The following SLC35B3 variants were observed in gnomAD, a reference collection of about 807,000 sequenced individuals.
The protein encoded by SLC35B3 is adenosine 3'-phospho 5'-phosphosulfate transporter 2.
In SLC35B3, 35 loss-of-function variants were observed where a neutral mutation model predicts 44.1. That is an observed-to-expected ratio of 0.79 (90% CI 0.61 to 1.05). The LOEUF (loss-of-function observed/expected upper bound fraction) is 1.05. Among genes scored for constraint, SLC35B3 ranks in the 50% least tolerant of loss-of-function variants. The pLI, the probability that SLC35B3 is intolerant of heterozygous loss-of-function variation, is 0.00. For synonymous variants in SLC35B3, 146 were observed against 167.3 expected, an observed-to-expected ratio of 0.87 and a Z score of 0.98; for missense variants, 414 against 476.4, an observed-to-expected ratio of 0.87 and a Z score of 1.22.
chr6:8,425,874 A>C (rs1449418567), intron 4 of SLC35B3, among the ~76,000 whole-genome samples: 1 of 152,078 alleles, frequency 6.6e-6, no homozygotes, highest in East Asian at 1.9e-4. Flanking sequence ...ATTCCTAACC[A>C]CTTTCTGTTT....
chr6:8,417,034 C>T lies in SLC35B3; in HGVS notation c.874-39G>A, dbSNP rs538909554. 26 of 1,114,322 alleles carry T rather than the reference C, an allele frequency of 2.3e-5. No homozygotes were observed. The African/African-American group carries it at 4.2e-4, about 18-fold the overall frequency. The allele number at this position is 1,114,322 out of a possible 1,614,324, so 69.0% of individuals were successfully genotyped here. On this transcript the variant is annotated intron_variant, in intron 8 of 10. Transcript: ENST00000644923. The stretch of plus-strand genomic sequence containing the variant: ...AAAAGCCTGTTAGAAAAATGTAAAA[C>T]AAACTCCGAGGTATTACAAATAAAA...
chr6:8,420,563 T>TA lies in SLC35B3; in HGVS notation c.682+157dup, dbSNP rs1332904554. Among the ~76,000 whole-genome samples, 5 of 152,374 alleles carry TA rather than the reference T, an allele frequency of 3.3e-5. No homozygotes were observed. The highest frequency in any genetic ancestry group is 1.2e-4 in the African/African-American group (5 of 41,596). Reference sequence around the variant, plus strand: ...AATTGTTTTATCTACAGAGCTGTGATATTTTCACTACATCTTATATGGAAA... The same window carrying TA: ...AATTGTTTTATCTACAGAGCTGTGATAATTTTCACTACATCTTATATGGAAA... On this transcript the variant is annotated intron_variant, in intron 6 of 10. Transcript: ENST00000644923. This position sits in a 1 kb window ranked among gnomAD's most constrained non-coding sequence, Gnocchi z 4.4.
At chr6:8,426,134 T>C (rs377267693) in intron 4 of SLC35B3, among the ~76,000 whole-genome samples, 2 of 149,324 alleles carry the variant, frequency 1.3e-5, no homozygotes, top group African/African-American at 2.6e-5. Context: ...AAAAGCAGAA[T>C]AACAATAGAT....
In SLC35B3 at chr6:8,419,696, AAAAC is replaced by A. The variant is rs758664032; in HGVS notation, c.683-23_683-20del. 109 of 1,350,650 alleles carry A rather than the reference AAAAC, an allele frequency of 8.1e-5. 2 individuals carry two copies. In the South Asian group the frequency reaches 1.5e-3, roughly 19 times the overall value. The allele number at this position is 1,350,650 out of a possible 1,614,324, so 83.7% of individuals were successfully genotyped here. Reference sequence around the variant, plus strand: ...ACCACACCTTCAAGAAGGTATTAAAAAAACAAACAAAAAAACCCTCCTTATTTAA... The same window carrying A: ...ACCACACCTTCAAGAAGGTATTAAAAAAACAAAAAAACCCTCCTTATTTAA... On this transcript the variant is annotated intron_variant, in intron 6 of 10. Coordinates refer to ENST00000644923, the MANE Select transcript of SLC35B3 (RefSeq NM_001370476.2). This position sits in a 1 kb window ranked among gnomAD's most constrained non-coding sequence, Gnocchi z 4.3.
chr6:8,420,583 T>G lies in SLC35B3; in HGVS notation c.682+138A>C, dbSNP rs1173458210. The G allele has an allele frequency of 3.4e-6, 2 of 581,922 alleles. No homozygotes were observed. Among genetic ancestry groups the G allele is most frequent in the Middle Eastern group, 4.3e-4 (1 of 2,340 alleles). 36.0% of individuals were successfully genotyped at this position (581,922 alleles called of 1,614,324 possible). A position where few individuals can be genotyped will look rare whatever the true frequency, so the allele number is the denominator to read the frequency against. ...TGTGATATTTTCACTACATCTTATATGGAAAGTCCAAAAGCTTTATGTTAG... is the reference window on the plus strand; with the variant it reads ...TGTGATATTTTCACTACATCTTATAGGGAAAGTCCAAAAGCTTTATGTTAG... On this transcript the variant is annotated intron_variant, in intron 6 of 10. Coordinates refer to ENST00000644923, the MANE Select transcript of SLC35B3 (RefSeq NM_001370476.2). The surrounding 1 kb of genome is among the most constrained non-coding windows in gnomAD (Gnocchi z 4.4).
In SLC35B3 at chr6:8,430,001, T is replaced by A; in HGVS notation, c.160A>T (p.Thr54Ser). Residue 54 changes from threonine to serine, a missense_variant, in exon 3 of 11, where the codon ACA becomes TCA. By Grantham distance (58) the Thr-to-Ser change is moderately conservative. Coordinates refer to ENST00000644923, the MANE Select transcript of SLC35B3 (RefSeq NM_001370476.2). ...ACTGACTTGATGTGTGGTGACATTG[T>A]TTGGGTTTTGGATGGCACAGTGATA... The A allele has an allele frequency of 6.2e-7, 1 of 1,613,978 alleles. No individual in the cohort carries two copies. Among genetic ancestry groups the A allele is most frequent in the South Asian group, 1.1e-5 (1 of 91,056 alleles).
At chr6:8,416,497 G>A (rs1403564347) in intron 9 of SLC35B3, among the ~76,000 whole-genome samples, 9 of 152,126 alleles carry the variant, frequency 5.9e-5, no homozygotes. Flanking sequence ...GGCCTAAAAA[G>A]CTTATTTAAA....
At chr6:8,422,372 A>G (rs1762974675) in intron 5 of SLC35B3, 98 bp downstream of exon 4, 1 of 938,136 alleles carries the variant, frequency 1.1e-6, no homozygotes, top group African/African-American at 1.7e-5. Context: ...TAGAATGCTC[A>G]TTGAAAATGT....
In SLC35B3 at chr6:8,432,297, A is replaced by G. The variant is rs1461677603; in HGVS notation, c.3+2088T>C. 1.3e-5 allele frequency among the ~76,000 whole-genome samples: 2 copies of G among 151,758 alleles called. No individual in the cohort carries two copies. The highest frequency in any genetic ancestry group is 2.9e-5 in the Non-Finnish European group (2 of 68,006). ...AATCTTATAGAAAAAGAGTGGGGAA[A>G]ATTTACAAATAATGCTTACATATTT... On this transcript the variant is annotated intron_variant, in intron 2 of 10. Coordinates refer to ENST00000644923, the MANE Select transcript of SLC35B3 (RefSeq NM_001370476.2). The surrounding 1 kb of genome is among the most constrained non-coding windows in gnomAD (Gnocchi z 4.8).
At position 8,433,316 on chromosome 6, in the gene SLC35B3, C is replaced by A. The variant is rs1764169612; in HGVS notation, c.3+1069G>T. 1.3e-5 allele frequency among the ~76,000 whole-genome samples: 2 copies of A among 152,150 alleles called. No individual in the cohort carries two copies. The highest frequency in any genetic ancestry group is 4.1e-4 in the South Asian group (2 of 4,830). On this transcript the variant is annotated intron_variant, in intron 2 of 10. Coordinates refer to ENST00000644923, the MANE Select transcript of SLC35B3 (RefSeq NM_001370476.2). This position sits in a 1 kb window ranked among gnomAD's most constrained non-coding sequence, Gnocchi z 4.1. ...AACGAGTTGATGTCCTGGACTCAATCATATTATACATATTTTTCAAATTCC... is the reference window on the plus strand; with the variant it reads ...AACGAGTTGATGTCCTGGACTCAATAATATTATACATATTTTTCAAATTCC...
chr6:8,431,610 C>G (rs1242931786), intron 2 of SLC35B3, among the ~76,000 whole-genome samples: 1 of 152,172 alleles, frequency 6.6e-6, no homozygotes, highest in Non-Finnish European at 1.5e-5. Flanking sequence ...TCTTCACTTT[C>G]CTTTGTTCTT....
intron 9 of SLC35B3, among the ~76,000 whole-genome samples, chr6:8,415,530 T>C (rs969657378): frequency 2.6e-5 from 4 of 152,192 alleles, no homozygotes; most frequent in African/African-American, 4.8e-5. Context: ...GAGATCTGCA[T>C]AGATCTCCAT....
Position 8,413,496 on chromosome 6 carries a change from A to C in SLC35B3, c.*53T>G, listed in dbSNP as rs1270261171. 1 of 1,487,232 alleles carries C rather than the reference A, an allele frequency of 6.7e-7. No individual in the cohort carries two copies. Among genetic ancestry groups the C allele is most frequent in the East Asian group, 2.3e-5 (1 of 43,016 alleles). The allele number at this position is 1,487,232 out of a possible 1,614,324, so 92.1% of individuals were successfully genotyped here. A position where few individuals can be genotyped will look rare whatever the true frequency, so the allele number is the denominator to read the frequency against. ...TTTTATCAGTCCCTTTGGAAAGTTA[A>C]TTAATTGATGATTGTTCCCTTAAAA... On this transcript the variant is annotated 3_prime_UTR_variant, in exon 11 of 11. Coordinates refer to ENST00000644923, the MANE Select transcript of SLC35B3 (RefSeq NM_001370476.2).
In SLC35B3 at chr6:8,421,662, G is replaced by A. The variant is rs147996229; in HGVS notation, c.574+808C>T. Among the ~76,000 whole-genome samples the A allele has an allele frequency of 9.1e-3, 1,382 of 152,226 alleles. 12 individuals are homozygous for A. Among genetic ancestry groups the A allele is most frequent in the Admixed American group, 0.015 (223 of 15,296 alleles). On this transcript the variant is annotated intron_variant, in intron 5 of 10. Coordinates refer to ENST00000644923, the MANE Select transcript of SLC35B3 (RefSeq NM_001370476.2). ...GCTATCACTGCCTCCTCTTTTACTCGTATTTCCACAAAACTTGTCACTTAG... is the reference window on the plus strand; with the variant it reads ...GCTATCACTGCCTCCTCTTTTACTCATATTTCCACAAAACTTGTCACTTAG...
At chr6:8,427,838 CAT>C (rs3831263) in intron 4 of SLC35B3, 97 bp downstream of exon 3, 200,090 of 1,035,940 alleles carry the variant, frequency 0.19, 20,613 homozygotes, top group East Asian at 0.33. Flanking sequence ...GTGCCTATCA[CAT>C]GTTTTGTTAA....
intron 9 of SLC35B3, among the ~76,000 whole-genome samples, chr6:8,416,189 G>A (rs1049075511): frequency 1.3e-5 from 2 of 152,152 alleles, no homozygotes; most frequent in Non-Finnish European, 1.5e-5. Context: ...ACATACTAGG[G>A]CTATGTATGC....
chr6:8,431,338 G>A (rs936336880), intron 2 of SLC35B3, among the ~76,000 whole-genome samples: 2 of 152,182 alleles, frequency 1.3e-5, no homozygotes, highest in African/African-American at 4.8e-5. Flanking sequence ...TTGACAGTGA[G>A]TTTTCCTTTG....
At chr6:8,422,197 G>T (rs1477347234) in intron 5 of SLC35B3, among the ~76,000 whole-genome samples, 1 of 152,018 alleles carries the variant, frequency 6.6e-6, no homozygotes, top group African/African-American at 2.4e-5. Context: ...TAGAGACAGG[G>T]TTTCACCATA....
rs1762533041 is a variant in SLC35B3, at chr6:8,417,591, A to C, written c.781-97T>G. 6.6e-6 allele frequency: 4 copies of C among 606,992 alleles called. No homozygotes were observed. The South Asian group carries it at 7.6e-5, about 12-fold the overall frequency. The allele number at this position is 606,992 out of a possible 1,614,324, so 37.6% of individuals were successfully genotyped here. A position where few individuals can be genotyped will look rare whatever the true frequency, so the allele number is the denominator to read the frequency against. ...TATGGCTCAATTAGGTTTGCAGAAC[A>C]AACATTTTAAAAGAAACATTATAAT... On this transcript the variant is annotated intron_variant, in intron 7 of 10. Transcript: ENST00000644923.
Sources: gnomAD v4.1 joint callset for allele counts (sites outside exome capture counted in the v4.1 genomes callset) on GRCh38, gnomAD v4.1.1 for gene constraint, Gnocchi (gnomAD v3.1) non-coding constraint, MANE v1.5 for transcripts, NCBI Gene and HGNC (gene_info 2026-07-23, HGNC 2026-07-21) for gene names.